Variants in SLC9A7 observed in about 807,000 individuals in gnomAD.
The protein encoded by SLC9A7 is solute carrier family 9 member A7.
Under a neutral mutation model 52.6 loss-of-function variants are expected in SLC9A7, and 19 were observed. The ratio of observed to expected loss-of-function variants is 0.36; its 90% CI spans 0.25 to 0.53. The LOEUF is 0.53. Among genes scored for constraint, SLC9A7 ranks in the 20% least tolerant of loss-of-function variants. The probability of loss-of-function intolerance (pLI) is 0.91; values close to 1 mark genes in which losing one functional copy is unlikely to be tolerated. For missense variants in SLC9A7, 455 were observed against 597.9 expected (o/e 0.76, Z 2.49); for synonymous variants, 226 against 252.1 (o/e 0.90, Z 0.98).
At chrX:46,629,133 AG>A (rs924997513) in intron 14 of SLC9A7, among the ~76,000 whole-genome samples, 5 of 112,089 alleles carry the variant, frequency 4.5e-5, no homozygotes, top group African/African-American at 1.6e-4. Flanking sequence ...GAAGGAGGTC[AG>A]GGGGAAGCTG....
At chrX:46,671,910 G>A (rs148374699) in intron 4 of SLC9A7, among the ~76,000 whole-genome samples, 79 of 112,027 alleles carry the variant, frequency 7.1e-4, no homozygotes, top group African/African-American at 2.5e-3. Context: ...CAAAGAGGGA[G>A]TGGGAGGGGA....
chrX:46,753,941 G>A (rs1003647472), intron 1 of SLC9A7, among the ~76,000 whole-genome samples: 26 of 109,421 alleles, frequency 2.4e-4, no homozygotes, highest in East Asian at 2.8e-4. Context: ...AGCAGAGATC[G>A]CACCACTGCA....
chrX:46,631,666 A>G lies in SLC9A7; in HGVS notation c.1677-17T>C. On this transcript the variant is annotated splice_polypyrimidine_tract_variant and intron_variant, in intron 13 of 16. Transcript: ENST00000616978. ...ACACCAACTCTGAAAGTCACCAGGGAGAAAGACAAAGAGAAAAACAGAGCG... is the reference window on the plus strand; with the variant it reads ...ACACCAACTCTGAAAGTCACCAGGGGGAAAGACAAAGAGAAAAACAGAGCG... 8.5e-7 allele frequency: 1 copy of G among 1,182,471 alleles called. No individual in the cohort carries two copies. The highest frequency in any genetic ancestry group is 1.1e-6 in the Non-Finnish European group (1 of 870,265).
In SLC9A7 at chrX:46,648,746, GGAA is replaced by G; in HGVS notation, c.1399_1401del (p.Phe467del). On this transcript the variant is annotated inframe_deletion, in exon 11 of 17. Transcript: ENST00000616978. ...ATCTTATGCCTTCTGCCCAAGTTGA[GGAA>G]GAAGGAGAGCGGGTAGATGTGCGCG... is the stretch of plus-strand genomic sequence containing the variant. 2 of 1,211,475 alleles carry G rather than the reference GGAA, an allele frequency of 1.7e-6. No homozygotes were observed. Among genetic ancestry groups the G allele is most frequent in the Non-Finnish European group, 2.2e-6 (2 of 895,335 alleles).
intron 1 of SLC9A7, among the ~76,000 whole-genome samples, chrX:46,732,821 C>T (rs927933639): frequency 9.0e-6 from 1 of 111,573 alleles, no homozygotes; most frequent in Non-Finnish European, 1.9e-5. Flanking sequence ...AAGAAACAAC[C>T]CTAGGGCCCA....
intron 1 of SLC9A7, among the ~76,000 whole-genome samples, chrX:46,717,529 G>A (rs1213045487): frequency 6.3e-5 from 7 of 110,749 alleles, no homozygotes; most frequent in South Asian, 7.8e-4. Flanking sequence ...ACACATGTGC[G>A]CCACTGTACC....
chrX:46,713,760 A>G (rs748007244), intron 1 of SLC9A7, among the ~76,000 whole-genome samples: 1 of 110,491 alleles, frequency 9.1e-6, no homozygotes, highest in African/African-American at 3.3e-5. Flanking sequence ...CGGTACTTTC[A>G]GAGACCACAC....
intron 1 of SLC9A7, among the ~76,000 whole-genome samples, chrX:46,749,180 G>C (rs1257183488): frequency 8.9e-6 from 1 of 111,852 alleles, no homozygotes; most frequent in African/African-American, 3.2e-5. Context: ...AGGAGGGGAG[G>C]GAAGAACTTG....
chrX:46,739,058 TATA>T (rs759679001), intron 1 of SLC9A7, among the ~76,000 whole-genome samples: 194 of 111,932 alleles, frequency 1.7e-3, no homozygotes, highest in African/African-American at 5.9e-3. Context: ...CTAAATAATA[TATA>T]ATAATTCAAT....
chrX:46,599,971 G>A lies in SLC9A7; in HGVS notation c.*6981C>T, dbSNP rs1041848675. 3 of 111,792 alleles carry A rather than the reference G, an allele frequency of 2.7e-5. No individual in the cohort carries two copies. The highest frequency in any genetic ancestry group is 5.6e-5 in the Non-Finnish European group (3 of 53,194). 9.2% of individuals were successfully genotyped at this position (111,792 alleles called of 1,213,427 possible). A position where few individuals can be genotyped will look rare whatever the true frequency, so the allele number is the denominator to read the frequency against. ...GGCCTTCTCATTTAACCATTTTCAT[G>A]GACATAGTACAACTTTCCAAGTAAA... is the stretch of plus-strand genomic sequence containing the variant. On this transcript the variant is annotated 3_prime_UTR_variant, in exon 17 of 17. Coordinates refer to ENST00000616978, the MANE Select transcript of SLC9A7 (RefSeq NM_001257291.2).
chrX:46,754,744 G>T lies in SLC9A7; in HGVS notation c.325+3961C>A, dbSNP rs781888463. Among the ~76,000 whole-genome samples the T allele has an allele frequency of 3.6e-5, 4 of 111,837 alleles. No homozygotes were observed. The East Asian group carries it at 1.1e-3, about 31-fold the overall frequency. On this transcript the variant is annotated intron_variant, in intron 1 of 16. Coordinates refer to ENST00000616978, the MANE Select transcript of SLC9A7 (RefSeq NM_001257291.2). ...GTGGTGGGTTAGCATGGCAGAGTCA[G>T]ATTATTTTGGATCCATATCAGTTGT...
intron 1 of SLC9A7, among the ~76,000 whole-genome samples, chrX:46,696,972 C>G: frequency 8.9e-6 from 1 of 111,947 alleles, no homozygotes; most frequent in Non-Finnish European, 1.9e-5. Flanking sequence ...CAGGACTGGT[C>G]ATGGCCAATG....
At chrX:46,708,076 G>A (rs970685994) in intron 1 of SLC9A7, among the ~76,000 whole-genome samples, 7 of 112,502 alleles carry the variant, frequency 6.2e-5, no homozygotes, top group Non-Finnish European at 1.1e-4. Flanking sequence ...TTGGGAGGCT[G>A]AGGTGAGAGG....
intron 14 of SLC9A7, among the ~76,000 whole-genome samples, chrX:46,626,330 A>G (rs756536248): frequency 2.7e-5 from 3 of 111,499 alleles, no homozygotes; most frequent in Non-Finnish European, 5.7e-5. Flanking sequence ...GCTACAGTGC[A>G]GTGGTGTGAT....
chrX:46,722,352 T>C (rs1427686068), intron 1 of SLC9A7, among the ~76,000 whole-genome samples: 2 of 111,997 alleles, frequency 1.8e-5, no homozygotes, highest in Non-Finnish European at 3.8e-5. Context: ...CAAGGATCCA[T>C]AGCTTTAAAA....
intron 14 of SLC9A7, among the ~76,000 whole-genome samples, chrX:46,625,749 AAAGAGTCAGAGGAAGGAATGCAGTAGAAG>A (rs938631636): frequency 1.0e-4 from 11 of 110,026 alleles, no homozygotes; most frequent in African/African-American, 3.6e-4. Flanking sequence ...ATGGAGGGCA[AAAGAGTCAGAGGAAGGAATGCAGTAGAAG>A]AAAGGGCGGG....
At chrX:46,745,746 G>C (rs1921708190) in intron 1 of SLC9A7, among the ~76,000 whole-genome samples, 2 of 109,273 alleles carry the variant, frequency 1.8e-5, no homozygotes, top group African/African-American at 6.7e-5. Flanking sequence ...TTGGGAAACT[G>C]AGGCAGAAGG....
At chrX:46,657,426 G>T (rs1252398209) in intron 7 of SLC9A7, among the ~76,000 whole-genome samples, 1 of 110,398 alleles carries the variant, frequency 9.1e-6, no homozygotes, top group Non-Finnish European at 1.9e-5. Flanking sequence ...ACACAGACTG[G>T]CAAATTGGAT....
intron 5 of SLC9A7, 22 bp downstream of exon 5, chrX:46,669,585 A>G: frequency 1.2e-6 from 1 of 841,523 alleles, no homozygotes; most frequent in South Asian, 2.5e-5. Flanking sequence ...AATAATAAAG[A>G]CAAATACACA....
Sources: allele counts gnomAD v4.1 joint callset (sites outside exome capture counted in the v4.1 genomes callset), GRCh38; gene constraint gnomAD v4.1.1; transcripts MANE v1.5; gene names NCBI Gene and HGNC (gene_info 2026-07-23, HGNC 2026-07-21).